The following VAT1L variants were observed in gnomAD, a reference collection of about 807,000 sequenced individuals.
The protein encoded by VAT1L is putative NADPH-dependent quinone oxidoreductase VAT1L.
VAT1L carries 34 observed loss-of-function variants against 44.1 expected under a neutral mutation model. The observed-to-expected ratio is 0.77, with a 90% CI of 0.59 to 1.03. The LOEUF (loss-of-function observed/expected upper bound fraction) is 1.03, where lower values mean the gene tolerates loss of function less well. Ranked by LOEUF, VAT1L falls within the 50% of genes least tolerant of loss-of-function variation. VAT1L has a pLI of 0.00. For synonymous variants in VAT1L, 253 were observed against 202.2 expected, an observed-to-expected ratio of 1.25 and a Z score of -2.13; for missense variants, 615 against 538.8, an observed-to-expected ratio of 1.14 and a Z score of -1.40.
chr16:77,904,653 G>A (rs1466764641), intron 7 of VAT1L, among the ~76,000 whole-genome samples: 2 of 152,166 alleles, frequency 1.3e-5, no homozygotes, highest in South Asian at 2.1e-4. Context: ...GGGCTTAAAC[G>A]TGAAATTAGG....
chr16:77,862,682 C>G (rs1400207888), intron 3 of VAT1L, 66 bp from the exon 4 acceptor site: 8 of 1,455,188 alleles, frequency 5.5e-6, no homozygotes, highest in South Asian at 2.6e-5. Flanking sequence ...CTGCTCTACA[C>G]CCAGCAAGAC....
intron 1 of VAT1L, among the ~76,000 whole-genome samples, chr16:77,815,493 G>A (rs749356252): frequency 1.3e-5 from 2 of 152,172 alleles, no homozygotes; most frequent in African/African-American, 4.8e-5. Flanking sequence ...CTAATTTGTG[G>A]TTGGGAAAAC....
chr16:77,888,583 C>G (rs55823211), intron 7 of VAT1L, among the ~76,000 whole-genome samples: 4 of 152,324 alleles, frequency 2.6e-5, no homozygotes, highest in Non-Finnish European at 4.4e-5. Flanking sequence ...GACAGGGTTT[C>G]TCAGCCTGGG....
chr16:77,884,884 T>C lies in VAT1L; in HGVS notation c.1077+82T>C, dbSNP rs776927023. ...TGGGCAGCCAAATACAATCTTCTAC[T>C]AAATGATTTTTTTCCCAGATGGGTT... is the stretch of plus-strand genomic sequence containing the variant. On this transcript the variant is annotated intron_variant, in intron 7 of 8. Coordinates refer to ENST00000302536, the MANE Select transcript of VAT1L (RefSeq NM_020927.3). This position sits in a 1 kb window ranked among gnomAD's most constrained non-coding sequence, Gnocchi z 4.5. The C allele has an allele frequency of 1.1e-3, 1,510 of 1,377,554 alleles. 2 individuals carry two copies. The highest frequency in any genetic ancestry group is 2.2e-3 in the Admixed American group (65 of 30,102). The allele number at this position is 1,377,554 out of a possible 1,614,324, so 85.3% of individuals were successfully genotyped here.
At chr16:77,837,962 G>C (rs1213364221) in intron 3 of VAT1L, among the ~76,000 whole-genome samples, 2 of 152,158 alleles carry the variant, frequency 1.3e-5, no homozygotes, top group Non-Finnish European at 2.9e-5. Flanking sequence ...AAACAGGTTA[G>C]GTTGACGGTT....
chr16:77,924,662 A>G (rs918637612), intron 7 of VAT1L, among the ~76,000 whole-genome samples: 3 of 152,104 alleles, frequency 2.0e-5, no homozygotes, highest in Non-Finnish European at 2.9e-5. Context: ...GGGTTTCACC[A>G]TGTTGGCCAG....
intron 1 of VAT1L, chr16:77,800,841 T>G (rs1259836763): frequency 1.3e-5 from 2 of 152,164 alleles, no homozygotes; most frequent in South Asian, 2.1e-4. Context: ...TTGTTCTTGT[T>G]TTTTTGAGAC....
chr16:77,824,031 A>G (rs1329642070), intron 2 of VAT1L, among the ~76,000 whole-genome samples: 2 of 152,158 alleles, frequency 1.3e-5, no homozygotes, highest in Admixed American at 6.5e-5. Flanking sequence ...CTCAGAAAAA[A>G]AAAGAAAAGA....
chr16:77,929,321 A>C (rs1051889149), intron 7 of VAT1L, among the ~76,000 whole-genome samples: 2 of 151,972 alleles, frequency 1.3e-5, no homozygotes, highest in African/African-American at 4.8e-5. Flanking sequence ...GATTGGCAAC[A>C]TTTTCTCAAC....
At chr16:77,943,565 A>T (rs2017919971) in intron 7 of VAT1L, among the ~76,000 whole-genome samples, 1 of 150,860 alleles carries the variant, frequency 6.6e-6, no homozygotes, top group African/African-American at 2.4e-5. Context: ...ACACCCGGCT[A>T]ATTTATTTTT....
intron 3 of VAT1L, among the ~76,000 whole-genome samples, chr16:77,835,586 T>G (rs1430832206): frequency 6.6e-6 from 1 of 152,140 alleles, no homozygotes; most frequent in Non-Finnish European, 1.5e-5. Context: ...AAACATGCTG[T>G]TCATGGCTGG....
chr16:77,946,006 T>C (rs1337112467), intron 7 of VAT1L, among the ~76,000 whole-genome samples: 1 of 152,032 alleles, frequency 6.6e-6, no homozygotes. Flanking sequence ...TTCACCATGT[T>C]GGTCAGGCTG....
chr16:77,930,945 G>A (rs987245671), intron 7 of VAT1L, among the ~76,000 whole-genome samples: 2 of 152,144 alleles, frequency 1.3e-5, no homozygotes, highest in African/African-American at 2.4e-5. Flanking sequence ...TCCAGGCGCT[G>A]TACTAAGAAT....
chr16:77,806,759 A>G (rs1375578860), intron 1 of VAT1L, among the ~76,000 whole-genome samples: 2 of 152,154 alleles, frequency 1.3e-5, no homozygotes, highest in African/African-American at 4.8e-5. Flanking sequence ...AAAACATAAG[A>G]ACTTTATTTT....
chr16:77,874,708 C>T (rs1036687720), intron 4 of VAT1L, among the ~76,000 whole-genome samples: 1 of 152,040 alleles, frequency 6.6e-6, no homozygotes, highest in Non-Finnish European at 1.5e-5. Flanking sequence ...TTCAACTTAA[C>T]ATTTATTTGT....
chr16:77,831,407 G>C (rs767250546), intron 3 of VAT1L, among the ~76,000 whole-genome samples: 7 of 152,088 alleles, frequency 4.6e-5, no homozygotes, highest in Non-Finnish European at 7.4e-5. Flanking sequence ...AATGTTTATT[G>C]AATTACTCCT....
intron 2 of VAT1L, among the ~76,000 whole-genome samples, chr16:77,820,715 A>G (rs1421161686): frequency 6.6e-6 from 1 of 152,208 alleles, no homozygotes; most frequent in Admixed American, 6.5e-5. Context: ...TCCAATCTAT[A>G]TAAAGGGCAC....
intron 2 of VAT1L, among the ~76,000 whole-genome samples, chr16:77,819,904 G>T (rs1648855551): frequency 6.6e-6 from 1 of 152,172 alleles, no homozygotes; most frequent in Non-Finnish European, 1.5e-5. Context: ...AACATGTATT[G>T]CTCTTTCCTC....
intron 6 of VAT1L, among the ~76,000 whole-genome samples, chr16:77,881,190 A>G (rs2017150809): frequency 6.6e-6 from 1 of 152,182 alleles, no homozygotes; most frequent in African/African-American, 2.4e-5. Flanking sequence ...TGCTTTTCAC[A>G]AGGGTTTATT....
Sources: gnomAD v4.1 joint callset for allele counts (sites outside exome capture counted in the v4.1 genomes callset) on GRCh38, gnomAD v4.1.1 for gene constraint, Gnocchi (gnomAD v3.1) non-coding constraint, MANE v1.5 for transcripts, NCBI Gene and HGNC (gene_info 2026-07-23, HGNC 2026-07-21) for gene names.